The following SLC37A1 variants were observed in gnomAD, a reference collection of about 807,000 sequenced individuals.
The protein encoded by SLC37A1 is solute carrier family 37 member 1.
In SLC37A1, 49 loss-of-function variants were observed where a neutral mutation model predicts 75.3. The observed-to-expected ratio is 0.65, with a 90% confidence interval of 0.52 to 0.83. The LOEUF is 0.83. Ranked by LOEUF, SLC37A1 falls within the 40% of genes least tolerant of loss-of-function variation. SLC37A1 has a pLI of 0.00. For synonymous variants in SLC37A1, 268 were observed against 292.1 expected, an observed-to-expected ratio of 0.92 and a Z score of 0.84; for missense variants, 566 against 695.0, an observed-to-expected ratio of 0.81 and a Z score of 2.09.
intron 9 of SLC37A1, among the ~76,000 whole-genome samples, chr21:42,551,829 TTTTG>T (rs1466758901): frequency 1.5e-4 from 21 of 140,082 alleles, no homozygotes; most frequent in African/African-American, 6.3e-4. Flanking sequence ...TTTTGTTTTG[TTTTG>T]TTTTTTTGGT....
intron 2 of SLC37A1, among the ~76,000 whole-genome samples, chr21:42,524,293 C>T (rs768899362): frequency 4.7e-5 from 7 of 149,708 alleles, no homozygotes; most frequent in Admixed American, 2.0e-4. Flanking sequence ...TTTGTTGCCC[C>T]AAAAAGTATT....
At chr21:42,534,579 T>C in intron 3 of SLC37A1, 119 bp from the exon 4 acceptor site, 1 of 1,274,718 alleles carries the variant, frequency 7.8e-7, no homozygotes, top group South Asian at 1.6e-5. Flanking sequence ...GAATGCAGGG[T>C]GCAGGTGCCC....
chr21:42,540,591 C>G (rs1477935134), intron 6 of SLC37A1, among the ~76,000 whole-genome samples: 1 of 152,164 alleles, frequency 6.6e-6, no homozygotes, highest in East Asian at 1.9e-4. Flanking sequence ...GCTGGCTTTG[C>G]CCTTGGAGCT....
chr21:42,543,466 C>T lies in SLC37A1; in HGVS notation c.594C>T (p.Ser198=). ...RRGLIMGVWN[S]HTSVGNILGS... ...GTTTGATTATGGGGGTCTGGAACTC[C>T]CACACCTCCGTGGGCAACATCTTGG... is the stretch of plus-strand genomic sequence containing the variant. The change falls in exon 8 of 20, where the codon TCC becomes TCT. Residue 198 remains serine (S), a synonymous_variant. Coordinates refer to ENST00000352133, the MANE Select transcript of SLC37A1 (RefSeq NM_001320537.2). The T allele has an allele frequency of 6.2e-7, 1 of 1,614,162 alleles. No homozygotes were observed. The highest frequency in any genetic ancestry group is 1.1e-5 in the South Asian group (1 of 91,070).
chr21:42,528,645 G>A lies in SLC37A1; in HGVS notation c.138+2788G>A, dbSNP rs2054861796. ...GTTCAAGACCAAACTGGCCAACATA[G>A]TGAAACCCTATCTATACTAAAAATA... On this transcript the variant is annotated intron_variant, in intron 3 of 19. Transcript: ENST00000352133. Among the ~76,000 whole-genome samples, 6 of 152,252 alleles carry A rather than the reference G, an allele frequency of 3.9e-5. 1 individual carries two copies. The highest frequency in any genetic ancestry group is 3.9e-4 in the Admixed American group (6 of 15,290).
chr21:42,530,654 A>ACACACACACACACACACCCCC (rs1161313598), intron 3 of SLC37A1, among the ~76,000 whole-genome samples: 2 of 35,880 alleles, frequency 5.6e-5, no homozygotes, highest in Non-Finnish European at 1.0e-4. Flanking sequence ...ACACACACAC[A>ACACACACACACACACACCCCC]CCCCCTCTGT....
At chr21:42,519,618 G>A (rs1001566329) in intron 2 of SLC37A1, among the ~76,000 whole-genome samples, 3 of 152,174 alleles carry the variant, frequency 2.0e-5, no homozygotes, top group Admixed American at 1.3e-4. Flanking sequence ...TCTCCTCCAC[G>A]CCAACCCCCT....
intron 2 of SLC37A1, among the ~76,000 whole-genome samples, chr21:42,503,621 T>C (rs891767122): frequency 1.2e-4 from 19 of 152,150 alleles, no homozygotes; most frequent in African/African-American, 4.6e-4. Flanking sequence ...GTTTCTTGGG[T>C]GACTACCAGA....
chr21:42,549,590 CTTT>C (rs1277908681), intron 9 of SLC37A1, among the ~76,000 whole-genome samples: 1 of 152,194 alleles, frequency 6.6e-6, no homozygotes, highest in East Asian at 1.9e-4. Flanking sequence ...CCCCAAAGTT[CTTT>C]TTCCTGCAGG....
chr21:42,578,738 T>C (rs112600992), intron 18 of SLC37A1, among the ~76,000 whole-genome samples: 128 of 152,306 alleles, frequency 8.4e-4, no homozygotes, highest in Non-Finnish European at 1.5e-3. Context: ...GAGGGGCCCC[T>C]GTTCTCTCCA....
intron 12 of SLC37A1, among the ~76,000 whole-genome samples, chr21:42,563,511 C>CACACTTG (rs2055889840): frequency 6.6e-6 from 1 of 151,332 alleles, no homozygotes; most frequent in Non-Finnish European, 1.5e-5. Context: ...CAGGCGCCTT[C>CACACTTG]CACACCTCCA....
At chr21:42,565,776 G>T (rs370160325) in intron 14 of SLC37A1, 51 bp from the exon 15 acceptor site, 5 of 1,549,094 alleles carry the variant, frequency 3.2e-6, no homozygotes, top group East Asian at 4.5e-5. Context: ...CAGCAATCTC[G>T]CACTGCTTGC....
chr21:42,560,351 C>G (rs1024912025), intron 11 of SLC37A1: 1 of 152,526 alleles, frequency 6.6e-6, no homozygotes, highest in Non-Finnish European at 1.5e-5. Context: ...GGGGCGCTGT[C>G]CAGGGTGGGC....
At chr21:42,512,870 G>A (rs2146686851), upstream of SLC37A1, among the ~76,000 whole-genome samples, 1 of 152,372 alleles carries the variant, frequency 6.6e-6, no homozygotes, top group Middle Eastern at 3.4e-3. Flanking sequence ...GGGAAACTGC[G>A]AGGCCTAGCA....
rs116060570 is a variant in SLC37A1, at chr21:42,525,123, G to A, written c.57-653G>A. On this transcript the variant is annotated intron_variant, in intron 2 of 19. Transcript: ENST00000352133. ...TTCCCGGAGGGTGGAGCCCTGGCGA[G>A]GGCACAGCAGCTCCGAGCTCCCTGC... Among the ~76,000 whole-genome samples, 502 of 152,334 alleles carry A rather than the reference G, an allele frequency of 3.3e-3. 2 individuals are homozygous for A. Among genetic ancestry groups the A allele is most frequent in the African/African-American group, 0.012 (479 of 41,572 alleles).
intron 10 of SLC37A1, among the ~76,000 whole-genome samples, chr21:42,555,853 C>T (rs933161664): frequency 1.3e-5 from 2 of 152,250 alleles, no homozygotes; most frequent in East Asian, 1.9e-4. Flanking sequence ...AGGGTGACGA[C>T]CACAACCGGG....
chr21:42,500,191 T>TA (rs2054328508), intron 1 of SLC37A1, among the ~76,000 whole-genome samples: 1 of 152,254 alleles, frequency 6.6e-6, no homozygotes, highest in Non-Finnish European at 1.5e-5. Flanking sequence ...TATAGAACTA[T>TA]GAGGTTGTTT....
At position 42,581,089 on chromosome 21, in the gene SLC37A1, T is replaced by C. The variant is rs389157; in HGVS notation, c.*729T>C. On this transcript the variant is annotated 3_prime_UTR_variant, in exon 20 of 20. Coordinates refer to ENST00000352133, the MANE Select transcript of SLC37A1 (RefSeq NM_001320537.2). ...TCATCCCAGCCCCTGGCCTTCCTGC[T>C]GCCCTCCGGGGCCATGGCACTGCTG... 0.62 allele frequency: 94,794 copies of C among 152,588 alleles called. 30,147 individuals carry two copies. The highest frequency in any genetic ancestry group is 0.69 in the Admixed American group (10,637 of 15,306). The allele number at this position is 152,588 out of a possible 1,614,324, so 9.5% of individuals were successfully genotyped here.
chr21:42,568,446 G>C lies in SLC37A1; in HGVS notation c.1423+8G>C. 6.2e-7 allele frequency: 1 copy of C among 1,613,172 alleles called. No homozygotes were observed. Among genetic ancestry groups the C allele is most frequent in the Non-Finnish European group, 8.5e-7 (1 of 1,179,564 alleles). Reference sequence around the variant, plus strand: ...ACGGGACGGGCTCTGTAGGTGCGCAGAGAGTTTTAGCTCTGGGAGGTTTGG... The same window carrying C: ...ACGGGACGGGCTCTGTAGGTGCGCACAGAGTTTTAGCTCTGGGAGGTTTGG... On this transcript the variant is annotated splice_region_variant and intron_variant, in intron 17 of 19. Coordinates refer to ENST00000352133, the MANE Select transcript of SLC37A1 (RefSeq NM_001320537.2).
Sources: gnomAD v4.1 joint callset for allele counts (sites outside exome capture counted in the v4.1 genomes callset) on GRCh38, gnomAD v4.1.1 for gene constraint, MANE v1.5 for transcripts, NCBI Gene and HGNC (gene_info 2026-07-23, HGNC 2026-07-21) for gene names.